The following KLHL32 variants were observed in gnomAD, a reference collection of about 807,000 sequenced individuals.
KLHL32 encodes the protein kelch like family member 32, also known as kelch-like protein 32.
In KLHL32, 35 loss-of-function variants were observed where a neutral mutation model predicts 64.8. The observed-to-expected ratio is 0.54, with a 90% CI of 0.41 to 0.72. KLHL32 has a LOEUF of 0.72. Among genes scored for constraint, KLHL32 ranks in the 30% least tolerant of loss-of-function variants. The pLI is 0.00. For synonymous variants in KLHL32, 259 were observed against 281.0 expected (o/e 0.92, Z 0.78); for missense variants, 589 against 768.5 (o/e 0.77, Z 2.76).
At chr6:97,120,935 G>T (rs1441152052) in intron 7 of KLHL32, among the ~76,000 whole-genome samples, 1 of 152,154 alleles carries the variant, frequency 6.6e-6, no homozygotes, top group Non-Finnish European at 1.5e-5. Context: ...TGAAAACAAA[G>T]CTACTCTAGT....
chr6:96,935,841 C>G (rs1487757485), intron 1 of KLHL32, among the ~76,000 whole-genome samples: 1 of 152,186 alleles, frequency 6.6e-6, no homozygotes, highest in Non-Finnish European at 1.5e-5. Flanking sequence ...ATTTAAATCT[C>G]TATGCAATAA....
intron 8 of KLHL32, among the ~76,000 whole-genome samples, chr6:97,130,549 C>T (rs992751803): frequency 3.3e-5 from 5 of 152,084 alleles, no homozygotes; most frequent in African/African-American, 4.8e-5. Flanking sequence ...GTGTGTAAAT[C>T]GCAAAAACAA....
At chr6:96,898,291 G>T in the KLHL32 span, among the ~76,000 whole-genome samples, 1 of 152,244 alleles carries the variant, frequency 6.6e-6, no homozygotes, top group East Asian at 1.9e-4. Flanking sequence ...CCACCAAAGA[G>T]TTAGCCGATA....
intron 3 of KLHL32, among the ~76,000 whole-genome samples, chr6:96,988,643 A>T (rs1288466530): frequency 6.6e-6 from 1 of 152,246 alleles, no homozygotes; most frequent in Non-Finnish European, 1.5e-5. Context: ...TGCTATAAAG[A>T]TACATGCACA....
intron 3 of KLHL32, among the ~76,000 whole-genome samples, chr6:97,002,796 G>A (rs1394191148): frequency 2.0e-5 from 3 of 151,996 alleles, no homozygotes; most frequent in African/African-American, 7.3e-5. Flanking sequence ...TTCTGCAAAG[G>A]ACATGATTTC....
At chr6:97,074,603 TA>T (rs113451263) in intron 5 of KLHL32, among the ~76,000 whole-genome samples, 1,551 of 144,948 alleles carry the variant, frequency 0.011, 22 homozygotes, top group African/African-American at 0.035. Flanking sequence ...GTGAGGGATT[TA>T]AAAAAAAAAA....
chr6:97,100,966 C>CTTTGTTT (rs1795640913), intron 6 of KLHL32, among the ~76,000 whole-genome samples: 1 of 69,472 alleles, frequency 1.4e-5, no homozygotes, highest in Non-Finnish European at 2.5e-5. Flanking sequence ...TGCAGCCAAG[C>CTTTGTTT]TTTTTTTTTT....
intron 6 of KLHL32, among the ~76,000 whole-genome samples, chr6:97,105,765 CA>C (rs10711890): frequency 0.072 from 10,575 of 147,866 alleles, 1,255 homozygotes; most frequent in African/African-American, 0.25. Context: ...TAGACCAAGA[CA>C]AAAAAAAAAT....
intron 1 of KLHL32, among the ~76,000 whole-genome samples, chr6:96,930,989 A>C (rs1335170568): frequency 6.6e-6 from 1 of 152,028 alleles, no homozygotes; most frequent in Non-Finnish European, 1.5e-5. Flanking sequence ...GCGGGTACAG[A>C]CCTCCTAGCC....
At chr6:96,958,299 A>G (rs989377911) in intron 1 of KLHL32, among the ~76,000 whole-genome samples, 5 of 152,160 alleles carry the variant, frequency 3.3e-5, no homozygotes, top group Non-Finnish European at 5.9e-5. Flanking sequence ...GTGGGGATCT[A>G]TAGGTGCTAT....
intron 1 of KLHL32, among the ~76,000 whole-genome samples, chr6:96,931,880 GAA>G (rs68098379): frequency 6.6e-6 from 1 of 151,588 alleles, no homozygotes; most frequent in South Asian, 2.1e-4. Flanking sequence ...AAATCATTAT[GAA>G]AAAAAAGCCT....
chr6:96,904,618 A>G, the KLHL32 span, among the ~76,000 whole-genome samples: 2 of 152,208 alleles, frequency 1.3e-5, no homozygotes, highest in African/African-American at 2.4e-5. Flanking sequence ...TTAAAATTGT[A>G]ATAGCGTTTT....
chr6:97,125,578 A>G (rs1318302026), intron 7 of KLHL32, among the ~76,000 whole-genome samples: 2 of 152,220 alleles, frequency 1.3e-5, no homozygotes, highest in Non-Finnish European at 2.9e-5. Context: ...AGAACATTTC[A>G]GAGGAGCTTG....
intron 4 of KLHL32, among the ~76,000 whole-genome samples, chr6:97,056,075 G>A (rs151333755): frequency 0.01 from 1,524 of 147,800 alleles, 18 homozygotes; most frequent in Non-Finnish European, 0.016. Flanking sequence ...AGCATAGCCA[G>A]CCTCCCTTTT....
intron 3 of KLHL32, among the ~76,000 whole-genome samples, chr6:97,015,677 A>G (rs1263998398): frequency 6.6e-6 from 1 of 152,178 alleles, no homozygotes; most frequent in Non-Finnish European, 1.5e-5. Flanking sequence ...TTCTGGGGAG[A>G]CGTTCAAGCT....
intron 1 of KLHL32, among the ~76,000 whole-genome samples, chr6:96,962,078 A>G (rs1371937919): frequency 6.6e-6 from 1 of 152,208 alleles, no homozygotes; most frequent in Non-Finnish European, 1.5e-5. Context: ...ACTAGAAGTA[A>G]GTAATTAAAA....
At chr6:97,104,228 A>G (rs960606509) in intron 6 of KLHL32, among the ~76,000 whole-genome samples, 2 of 152,324 alleles carry the variant, frequency 1.3e-5, no homozygotes, top group South Asian at 4.1e-4. Context: ...GTCACTTTTC[A>G]TGCACCCCCA....
Position 97,029,494 on chromosome 6 carries a change from T to C in KLHL32, c.205-11998T>C, listed in dbSNP as rs200511597. The stretch of plus-strand genomic sequence containing the variant: ...TTACAGTAATATAATTTTACTGTTT[T>C]AGTTTGTCTTGTGATATTTTATTCT... On this transcript the variant is annotated intron_variant, in intron 3 of 10. Coordinates refer to ENST00000369261, the MANE Select transcript of KLHL32 (RefSeq NM_052904.4). 5.3e-5 allele frequency among the ~76,000 whole-genome samples: 8 copies of C among 149,996 alleles called. No individual in the cohort carries two copies. The Admixed American group carries it at 5.5e-4, about 10-fold the overall frequency.
At chr6:96,955,284 A>G (rs1335098498) in intron 1 of KLHL32, among the ~76,000 whole-genome samples, 1 of 152,106 alleles carries the variant, frequency 6.6e-6, no homozygotes. Context: ...CCTTGATGCA[A>G]ATTGAGTTTT....
Sources: allele counts gnomAD v4.1 joint callset (sites outside exome capture counted in the v4.1 genomes callset), GRCh38; gene constraint gnomAD v4.1.1; transcripts MANE v1.5; gene names NCBI Gene and HGNC (gene_info 2026-07-23, HGNC 2026-07-21).